RORA: variants seen among roughly 807,000 people sequenced by gnomAD.
The protein encoded by RORA is RAR related orphan receptor A, also known as nuclear receptor ROR-alpha.
Under a neutral mutation model 69.5 loss-of-function variants are expected in RORA, and 7 were observed. That is an observed-to-expected ratio of 0.10 (90% CI 0.06 to 0.19). The LOEUF (loss-of-function observed/expected upper bound fraction) is 0.19. Ranked by LOEUF, RORA falls within the 10% of genes least tolerant of loss-of-function variation. RORA has a pLI of 1.00. For missense variants in RORA, 457 were observed against 663.0 expected, an observed-to-expected ratio of 0.69 and a Z score of 3.41; for synonymous variants, 261 against 240.8, an observed-to-expected ratio of 1.08 and a Z score of -0.78.
intron 1 of RORA, among the ~76,000 whole-genome samples, chr15:60,840,792 C>T (rs1286001137): frequency 6.6e-6 from 1 of 152,228 alleles, no homozygotes; most frequent in Non-Finnish European, 1.5e-5. Context: ...ATCCCCTAAT[C>T]CTGTCTCCGT....
At chr15:61,104,272 G>A (rs1405134464) in intron 1 of RORA, among the ~76,000 whole-genome samples, 3 of 152,144 alleles carry the variant, frequency 2.0e-5, no homozygotes, top group Non-Finnish European at 4.4e-5. Flanking sequence ...ATTAACAAAC[G>A]CACCTAGGTT....
chr15:60,785,743 T>C (rs766049275), intron 1 of RORA, among the ~76,000 whole-genome samples: 38 of 152,360 alleles, frequency 2.5e-4, no homozygotes, highest in Non-Finnish European at 4.3e-4. Flanking sequence ...TTCAGTCCTA[T>C]TCATGTTTCC....
chr15:60,703,828 G>A (rs529206076), intron 1 of RORA, among the ~76,000 whole-genome samples: 44 of 150,722 alleles, frequency 2.9e-4, no homozygotes, highest in Admixed American at 1.2e-3. Flanking sequence ...TGAAAACACA[G>A]TACCTGGGAT....
chr15:60,661,368 A>G (rs1175405255), intron 2 of RORA, among the ~76,000 whole-genome samples: 1 of 152,196 alleles, frequency 6.6e-6, no homozygotes, highest in African/African-American at 2.4e-5. Context: ...CTGTCCTAAC[A>G]GTGATTTTGC....
At chr15:60,847,636 G>C (rs2073280278) in intron 1 of RORA, 1 of 151,336 alleles carries the variant, frequency 6.6e-6, no homozygotes, top group South Asian at 2.1e-4. Context: ...ATTGAGGTAT[G>C]CTTCAAGCAT....
At chr15:61,030,710 C>A (rs1896119625) in intron 1 of RORA, among the ~76,000 whole-genome samples, 1 of 152,084 alleles carries the variant, frequency 6.6e-6, no homozygotes, top group African/African-American at 2.4e-5. Context: ...CTTTTAAGCA[C>A]ATTCGAGAAC....
At chr15:61,104,649 T>G (rs924831340) in intron 1 of RORA, among the ~76,000 whole-genome samples, 1 of 152,090 alleles carries the variant, frequency 6.6e-6, no homozygotes, top group African/African-American at 2.4e-5. Flanking sequence ...CACTCTCTAC[T>G]CAGCTCCACT....
intron 2 of RORA, among the ~76,000 whole-genome samples, chr15:60,596,697 G>A (rs772157426): frequency 2.0e-5 from 3 of 152,184 alleles, no homozygotes; most frequent in Non-Finnish European, 4.4e-5. Flanking sequence ...GAACTCTGCT[G>A]TTTATGAGTA....
chr15:60,851,920 C>T (rs1024152616), intron 1 of RORA, among the ~76,000 whole-genome samples: 8 of 152,130 alleles, frequency 5.3e-5, no homozygotes, highest in South Asian at 2.1e-4. Context: ...GATAATGTCT[C>T]AGCTCCCTGA....
chr15:60,871,790 T>G lies in RORA; in HGVS notation c.167-193104A>C, dbSNP rs1394189935. ...GTTAAATGCAATGCAGTATCCTGGA[T>G]TGGATCCTGGAAACAGAAAAAGGAC... On this transcript the variant is annotated intron_variant, in intron 1 of 10. Coordinates refer to ENST00000335670, the MANE Select transcript of RORA (RefSeq NM_134261.3). Among the ~76,000 whole-genome samples, 4 of 152,188 alleles carry G rather than the reference T, an allele frequency of 2.6e-5. No homozygotes were observed. The South Asian group carries it at 8.3e-4, about 31-fold the overall frequency.
At chr15:61,102,209 G>A (rs1174124004) in intron 1 of RORA, among the ~76,000 whole-genome samples, 2 of 152,072 alleles carry the variant, frequency 1.3e-5, no homozygotes, top group Admixed American at 6.5e-5. Context: ...TTGTCAGCAG[G>A]GTGCAGACAC....
At chr15:61,009,782 T>C (rs1895032134) in intron 1 of RORA, among the ~76,000 whole-genome samples, 1 of 152,184 alleles carries the variant, frequency 6.6e-6, no homozygotes, top group South Asian at 2.1e-4. Context: ...AATTGACACA[T>C]AAAAAGGATC....
intron 1 of RORA, among the ~76,000 whole-genome samples, chr15:60,976,157 G>A (rs532567325): frequency 1.3e-5 from 2 of 152,194 alleles, no homozygotes; most frequent in Admixed American, 6.5e-5. Flanking sequence ...GCCGTGGCTC[G>A]GAGTGCGTGG....
At chr15:60,844,760 C>T (rs1371004829) in intron 1 of RORA, among the ~76,000 whole-genome samples, 7 of 152,106 alleles carry the variant, frequency 4.6e-5, no homozygotes, top group Admixed American at 3.9e-4. Flanking sequence ...AAGACAATTA[C>T]AAAAAAGGTG....
At chr15:60,772,721 G>A (rs1048380649) in intron 1 of RORA, among the ~76,000 whole-genome samples, 4 of 152,154 alleles carry the variant, frequency 2.6e-5, no homozygotes, top group Admixed American at 2.0e-4. Flanking sequence ...TGAGCCACAC[G>A]TAGGGGGCCG....
At chr15:60,834,452 T>C (rs2073088719) in intron 1 of RORA, among the ~76,000 whole-genome samples, 1 of 152,202 alleles carries the variant, frequency 6.6e-6, no homozygotes, top group East Asian at 1.9e-4. Flanking sequence ...TGGCCCCAGA[T>C]ATGTCCTAGG....
At chr15:61,097,698 T>C (rs2078811507) in intron 1 of RORA, among the ~76,000 whole-genome samples, 1 of 152,170 alleles carries the variant, frequency 6.6e-6, no homozygotes, top group South Asian at 2.1e-4. Flanking sequence ...TCTGGCTGTT[T>C]TTAATTTTTA....
intron 2 of RORA, among the ~76,000 whole-genome samples, chr15:60,581,776 A>G (rs189312558): frequency 6.6e-6 from 1 of 152,370 alleles, no homozygotes; most frequent in Admixed American, 6.5e-5. Flanking sequence ...AAATGTTTCA[A>G]TGAAATCCAA....
chr15:60,692,240 A>G (rs550287970), intron 1 of RORA, among the ~76,000 whole-genome samples: 1 of 152,330 alleles, frequency 6.6e-6, no homozygotes, highest in African/African-American at 2.4e-5. Context: ...CTTTATTTTT[A>G]AAGATAGCTC....
Sources: allele counts gnomAD v4.1 joint callset (sites outside exome capture counted in the v4.1 genomes callset), GRCh38; gene constraint gnomAD v4.1.1; transcripts MANE v1.5; gene names NCBI Gene and HGNC (gene_info 2026-07-23, HGNC 2026-07-21).